The following ZMAT4 variants were observed in gnomAD, a reference collection of about 807,000 sequenced individuals.
ZMAT4 encodes zinc finger matrin-type protein 4.
In ZMAT4, 17 loss-of-function variants were observed where a neutral mutation model predicts 28.7. That is an observed-to-expected ratio of 0.59 (90% CI 0.41 to 0.89). ZMAT4 has a LOEUF of 0.89. ZMAT4 is among the 40% of genes least tolerant of loss of function. The pLI is 0.00. For synonymous variants in ZMAT4, 117 were observed against 109.2 expected (o/e 1.07, Z -0.44); for missense variants, 240 against 283.8 (o/e 0.85, Z 1.11).
intron 5 of ZMAT4, among the ~76,000 whole-genome samples, chr8:40,626,468 T>C (rs993860845): frequency 3.9e-5 from 6 of 152,196 alleles, no homozygotes; most frequent in African/African-American, 1.4e-4. Context: ...GAAAAATTCC[T>C]GAACATATAA....
chr8:40,796,656 T>C (rs4736882), intron 2 of ZMAT4, among the ~76,000 whole-genome samples: 85,273 of 152,020 alleles, frequency 0.56, 24,128 homozygotes, highest in East Asian at 0.66. Flanking sequence ...CCTCCCCGGC[T>C]CCGCCCCGCA....
chr8:40,579,804 G>A (rs1804392600), intron 6 of ZMAT4, among the ~76,000 whole-genome samples: 2 of 152,032 alleles, frequency 1.3e-5, no homozygotes, highest in African/African-American at 2.4e-5. Context: ...TAGGAAACAA[G>A]GATATTGTGT....
At chr8:40,821,093 T>TGG (rs138300867) in intron 2 of ZMAT4, among the ~76,000 whole-genome samples, 2 of 151,714 alleles carry the variant, frequency 1.3e-5, no homozygotes, top group East Asian at 3.9e-4. Context: ...TGTATGTGTA[T>TGG]GGGGGGAGTG....
chr8:40,839,139 C>G (rs1373130812), intron 1 of ZMAT4, among the ~76,000 whole-genome samples: 2 of 152,202 alleles, frequency 1.3e-5, no homozygotes, highest in Non-Finnish European at 2.9e-5. Context: ...CTTGGGCAGG[C>G]AGAAACCAAA....
At chr8:40,841,583 G>A (rs940714324) in intron 1 of ZMAT4, among the ~76,000 whole-genome samples, 8 of 152,132 alleles carry the variant, frequency 5.3e-5, no homozygotes, top group African/African-American at 1.4e-4. Flanking sequence ...AGGTGTGCAC[G>A]CCCGACAGGT....
At chr8:40,651,728 A>G (rs1807661806) in intron 5 of ZMAT4, among the ~76,000 whole-genome samples, 1 of 151,872 alleles carries the variant, frequency 6.6e-6, no homozygotes, top group African/African-American at 2.4e-5. Flanking sequence ...TGGTACCAAA[A>G]CAGAGATATA....
intron 5 of ZMAT4, among the ~76,000 whole-genome samples, chr8:40,601,404 GA>G (rs1805301653): frequency 6.7e-5 from 3 of 44,650 alleles, no homozygotes; most frequent in African/African-American, 2.6e-4. Flanking sequence ...AAGGAGGAAA[GA>G]AAGGAAGGAA....
At chr8:40,772,605 C>A (rs900388517) in intron 2 of ZMAT4, among the ~76,000 whole-genome samples, 1 of 152,106 alleles carries the variant, frequency 6.6e-6, no homozygotes, top group Non-Finnish European at 1.5e-5. Context: ...AGTCCTTCCA[C>A]CTTCATCATC....
chr8:40,652,913 T>A (rs1461873297), intron 5 of ZMAT4, among the ~76,000 whole-genome samples: 1 of 130,378 alleles, frequency 7.7e-6, no homozygotes, highest in African/African-American at 3.0e-5. Flanking sequence ...AAGGGGAATA[T>A]CACACTCTGG....
intron 2 of ZMAT4, among the ~76,000 whole-genome samples, chr8:40,806,344 C>A (rs1227970819): frequency 6.6e-6 from 1 of 152,074 alleles, no homozygotes; most frequent in Non-Finnish European, 1.5e-5. Flanking sequence ...TAATTAAGGC[C>A]ATTAGCAATG....
intron 5 of ZMAT4, among the ~76,000 whole-genome samples, chr8:40,649,220 A>G (rs1309269857): frequency 6.6e-6 from 1 of 152,164 alleles, no homozygotes; most frequent in East Asian, 1.9e-4. Context: ...AAATAAAGGG[A>G]TGGAGGAAGA....
intron 2 of ZMAT4, among the ~76,000 whole-genome samples, chr8:40,812,528 G>C (rs1815361067): frequency 6.6e-6 from 1 of 152,220 alleles, no homozygotes; most frequent in South Asian, 2.1e-4. Flanking sequence ...AGCCTACAGA[G>C]ACATGATGCA....
chr8:40,584,389 C>A (rs1251552465), intron 5 of ZMAT4, among the ~76,000 whole-genome samples: 3 of 152,060 alleles, frequency 2.0e-5, no homozygotes, highest in African/African-American at 4.8e-5. Context: ...CAGCGCCAAG[C>A]AGGACTGAGC....
intron 1 of ZMAT4, among the ~76,000 whole-genome samples, chr8:40,895,866 G>A (rs1038139465): frequency 1.3e-5 from 2 of 152,194 alleles, no homozygotes; most frequent in African/African-American, 4.8e-5. Flanking sequence ...CCCCTCCTGG[G>A]CTCCCTGGGG....
intron 5 of ZMAT4, among the ~76,000 whole-genome samples, chr8:40,631,881 T>C (rs577924250): frequency 6.6e-6 from 1 of 152,316 alleles, no homozygotes; most frequent in South Asian, 2.1e-4. Flanking sequence ...AATCCATTTT[T>C]CAGTTCAAGA....
intron 1 of ZMAT4, among the ~76,000 whole-genome samples, chr8:40,843,824 T>C (rs1400026118): frequency 6.6e-6 from 1 of 152,176 alleles, no homozygotes; most frequent in Non-Finnish European, 1.5e-5. Flanking sequence ...GAAAATCAGT[T>C]GAGTGGGTTT....
intron 4 of ZMAT4, among the ~76,000 whole-genome samples, chr8:40,678,448 A>T (rs899357083): frequency 1.3e-5 from 2 of 152,198 alleles, no homozygotes; most frequent in Non-Finnish European, 2.9e-5. Context: ...CAAGGCCATG[A>T]CCAGAATGGT....
intron 1 of ZMAT4, among the ~76,000 whole-genome samples, chr8:40,861,640 G>A (rs1272097883): frequency 3.3e-5 from 5 of 152,146 alleles, no homozygotes; most frequent in Non-Finnish European, 5.9e-5. Flanking sequence ...GCAGCCTACA[G>A]AATGGGAGAA....
chr8:40,860,121 G>T (rs771916359), intron 1 of ZMAT4, among the ~76,000 whole-genome samples: 17 of 152,152 alleles, frequency 1.1e-4, no homozygotes, highest in Non-Finnish European at 2.4e-4. Context: ...AAAATATGGA[G>T]AATAATATTT....
Sources: gnomAD v4.1 joint callset for allele counts (sites outside exome capture counted in the v4.1 genomes callset) on GRCh38, gnomAD v4.1.1 for gene constraint, MANE v1.5 for transcripts, NCBI Gene and HGNC (gene_info 2026-07-23, HGNC 2026-07-21) for gene names.